Variants in ZFHX3 observed in about 807,000 individuals in gnomAD.
The protein encoded by ZFHX3 is zinc finger homeobox 3.
ZFHX3 carries 42 observed loss-of-function variants against 279.1 expected under a neutral mutation model. The observed-to-expected ratio is 0.15, with a 90% CI of 0.12 to 0.19. ZFHX3 has a LOEUF of 0.19. Ranked by LOEUF, ZFHX3 falls within the 10% of genes least tolerant of loss-of-function variation. The probability of loss-of-function intolerance (pLI) is 1.00; values close to 1 mark genes in which losing one functional copy is unlikely to be tolerated. For synonymous variants in ZFHX3, 2,293 were observed against 1,957.8 expected, an observed-to-expected ratio of 1.17 and a Z score of -4.52; for missense variants, 4,981 against 4,754.0, an observed-to-expected ratio of 1.05 and a Z score of -1.40.
chr16:73,270,827 C>G (rs1247853224), intron 4 of ZFHX3, among the ~76,000 whole-genome samples: 1 of 152,164 alleles, frequency 6.6e-6, no homozygotes, highest in Non-Finnish European at 1.5e-5. Flanking sequence ...CCACTGCGTG[C>G]TGGGAGGTCC....
At chr16:73,607,693 C>A (rs2052204931) in intron 2 of ZFHX3, among the ~76,000 whole-genome samples, 1 of 152,178 alleles carries the variant, frequency 6.6e-6, no homozygotes, top group African/African-American at 2.4e-5. Flanking sequence ...CAAGTTTCAT[C>A]ATAAAAATCC....
chr16:73,640,812 G>A (rs559829621), intron 2 of ZFHX3, among the ~76,000 whole-genome samples: 26 of 152,192 alleles, frequency 1.7e-4, no homozygotes, highest in Non-Finnish European at 3.2e-4. Context: ...CCAGAACTAA[G>A]AGACACAAAA....
At chr16:73,125,027 G>C (rs1194354739) in intron 7 of ZFHX3, among the ~76,000 whole-genome samples, 1 of 152,106 alleles carries the variant, frequency 6.6e-6, no homozygotes, top group African/African-American at 2.4e-5. Context: ...GGTGGAGAAG[G>C]TGAGAGAGTA....
At chr16:73,714,200 A>G (rs1014053262) in intron 1 of ZFHX3, among the ~76,000 whole-genome samples, 1 of 152,162 alleles carries the variant, frequency 6.6e-6, no homozygotes, top group Non-Finnish European at 1.5e-5. Context: ...GGTAATTTTC[A>G]TACGCTATTC....
At chr16:72,839,864 G>A (rs565821835) in intron 4 of ZFHX3, among the ~76,000 whole-genome samples, 4 of 152,128 alleles carry the variant, frequency 2.6e-5, no homozygotes, top group African/African-American at 9.7e-5. Flanking sequence ...TTTCAACAGA[G>A]CAGACCTGCC....
At chr16:73,112,816 C>T (rs935151170) in intron 7 of ZFHX3, among the ~76,000 whole-genome samples, 3 of 151,744 alleles carry the variant, frequency 2.0e-5, no homozygotes, top group Non-Finnish European at 4.4e-5. Flanking sequence ...CCAGACCCCA[C>T]CCACATTCCT....
At chr16:73,314,683 G>A (rs139563351) in intron 4 of ZFHX3, among the ~76,000 whole-genome samples, 1 of 152,172 alleles carries the variant, frequency 6.6e-6, no homozygotes, top group South Asian at 2.1e-4. Context: ...TGACATCCCT[G>A]AGCTGCTCCT....
At chr16:73,078,245 A>G (rs969542010) in intron 8 of ZFHX3, among the ~76,000 whole-genome samples, 16 of 152,194 alleles carry the variant, frequency 1.1e-4, no homozygotes, top group Non-Finnish European at 2.4e-4. Context: ...CCTTCCTGAA[A>G]TCTCAGGGCT....
chr16:73,742,421 C>A (rs979418389), intron 1 of ZFHX3, among the ~76,000 whole-genome samples: 1 of 152,150 alleles, frequency 6.6e-6, no homozygotes, highest in African/African-American at 2.4e-5. Flanking sequence ...GTTGACCATC[C>A]AAAATGGCCA....
At chr16:73,282,201 C>A (rs1230583779) in intron 4 of ZFHX3, among the ~76,000 whole-genome samples, 2 of 152,136 alleles carry the variant, frequency 1.3e-5, no homozygotes, top group Middle Eastern at 3.2e-3. Flanking sequence ...GCGTTTACCC[C>A]CTTTTCCATC....
intron 1 of ZFHX3, among the ~76,000 whole-genome samples, chr16:73,030,519 G>T (rs752343146): frequency 6.6e-6 from 1 of 152,152 alleles, no homozygotes; most frequent in East Asian, 1.9e-4. Flanking sequence ...TTTACTGGCA[G>T]ATCAATAGAG....
chr16:72,846,488 A>G (rs1321106111), intron 4 of ZFHX3, among the ~76,000 whole-genome samples: 5 of 152,230 alleles, frequency 3.3e-5, no homozygotes, highest in Non-Finnish European at 7.3e-5. Context: ...CACTGTGAGC[A>G]TGAAAGGTAC....
chr16:73,270,757 G>C (rs1326214144), intron 4 of ZFHX3, among the ~76,000 whole-genome samples: 1 of 152,164 alleles, frequency 6.6e-6, no homozygotes, highest in Non-Finnish European at 1.5e-5. Context: ...CCCTGGACCA[G>C]AGGCGGATTT....
intron 1 of ZFHX3, among the ~76,000 whole-genome samples, chr16:73,832,080 T>C (rs553985450): frequency 2.5e-4 from 38 of 152,282 alleles, no homozygotes; most frequent in Middle Eastern, 3.4e-3. Context: ...TTTGTGTTTT[T>C]AGTAGAGATG....
chr16:73,030,440 G>A (rs2144674367), intron 1 of ZFHX3, among the ~76,000 whole-genome samples: 1 of 152,348 alleles, frequency 6.6e-6, no homozygotes, highest in African/African-American at 2.4e-5. Context: ...CTCTTTCCAG[G>A]TAGCTGGGAG....
At position 73,814,668 on chromosome 16, in the gene ZFHX3, A is replaced by G. The variant is rs574323565; in HGVS notation, c.-1608+76983T>C. On this transcript the variant is annotated intron_variant, in intron 1 of 17. Transcript: ENST00000641206. ...CTTCAGCCTCTGCCTCCTGGGTTCA[A>G]GTGATTCTCCTGCCTCAGCCTCCTG... Among the ~76,000 whole-genome samples, 577 of 151,956 alleles carry G rather than the reference A, an allele frequency of 3.8e-3. 2 individuals are homozygous for G. The highest frequency in any genetic ancestry group is 6.8e-3 in the Non-Finnish European group (462 of 67,976).
At chr16:73,874,655 A>C (rs561098992) in intron 1 of ZFHX3, among the ~76,000 whole-genome samples, 52 of 152,320 alleles carry the variant, frequency 3.4e-4, no homozygotes, top group African/African-American at 1.2e-3. Flanking sequence ...TATTACATCA[A>C]ACCTTTGTAT....
chr16:73,442,923 T>C (rs998865617), intron 3 of ZFHX3, among the ~76,000 whole-genome samples: 1 of 152,210 alleles, frequency 6.6e-6, no homozygotes, highest in African/African-American at 2.4e-5. Context: ...TTTTTTATTT[T>C]ATTTATTTTG....
chr16:73,768,296 C>CT (rs2053977114), intron 1 of ZFHX3, among the ~76,000 whole-genome samples: 1 of 152,168 alleles, frequency 6.6e-6, no homozygotes, highest in Non-Finnish European at 1.5e-5. Flanking sequence ...TCTGGTCGGC[C>CT]TCTGGGCACA....
Sources: gnomAD v4.1 joint callset for allele counts (sites outside exome capture counted in the v4.1 genomes callset) on GRCh38, gnomAD v4.1.1 for gene constraint, MANE v1.5 for transcripts, NCBI Gene and HGNC (gene_info 2026-07-23, HGNC 2026-07-21) for gene names.